Variants in OPHN1 observed in about 807,000 individuals in gnomAD.
The protein encoded by OPHN1 is oligophrenin 1.
In OPHN1, 11 loss-of-function variants were observed where a neutral mutation model predicts 60.7. That is an observed-to-expected ratio of 0.18 (90% confidence interval 0.11 to 0.30). The LOEUF (loss-of-function observed/expected upper bound fraction) is 0.30, where lower values mean the gene tolerates loss of function less well. Among genes scored for constraint, OPHN1 ranks in the 10% least tolerant of loss-of-function variants. The pLI is 1.00. For synonymous variants in OPHN1, 226 were observed against 222.6 expected (o/e 1.02, Z -0.14); for missense variants, 449 against 611.0 (o/e 0.73, Z 2.80).
chrX:68,338,983 C>T (rs1380013103), intron 2 of OPHN1, among the ~76,000 whole-genome samples: 2 of 106,190 alleles, frequency 1.9e-5, no homozygotes, highest in Admixed American at 1.0e-4. Context: ...GGAGCCAAGG[C>T]GGAAGGGTCA....
In OPHN1 at chrX:68,197,262, G is replaced by A. The variant is rs1450234218; in HGVS notation, c.1028C>T (p.Pro343Leu). The stretch of plus-strand genomic sequence containing the variant: ...AAGGGCCTGCAGAGTGATGGTTCCT[G>A]GCCTGAGGGGGAAAAAAATGGTAAG... ...FCFDIETNER[P>L]GTITLQALSE... Residue 343 changes from proline to leucine, a missense_variant and splice_region_variant, in exon 12 of 25, where the codon CCA becomes CTA. Transcript: ENST00000355520. 1 of 1,200,239 alleles carries A rather than the reference G, an allele frequency of 8.3e-7. No homozygotes were observed. Among genetic ancestry groups the A allele is most frequent in the Non-Finnish European group, 1.1e-6 (1 of 887,532 alleles).
chrX:68,259,830 C>A (rs934806918), intron 5 of OPHN1, among the ~76,000 whole-genome samples: 2 of 111,084 alleles, frequency 1.8e-5, no homozygotes, highest in African/African-American at 6.6e-5. Context: ...TAGGGAAATT[C>A]ACCTATGAGA....
At chrX:68,066,967 CA>C (rs1377324671) in intron 20 of OPHN1, among the ~76,000 whole-genome samples, 8 of 112,211 alleles carry the variant, frequency 7.1e-5, no homozygotes, top group Non-Finnish European at 1.3e-4. Flanking sequence ...GGGAGTGAAT[CA>C]GGATGAGACA....
intron 6 of OPHN1, among the ~76,000 whole-genome samples, chrX:68,223,943 A>T (rs956453470): frequency 1.8e-5 from 2 of 111,613 alleles, no homozygotes. Context: ...ACAACACAGC[A>T]TCAAAATACA....
At chrX:68,223,031 A>T (rs1157660575) in intron 6 of OPHN1, among the ~76,000 whole-genome samples, 2 of 112,256 alleles carry the variant, frequency 1.8e-5, no homozygotes, top group African/African-American at 6.5e-5. Flanking sequence ...ATTATTAAAA[A>T]GTCAAAAAAC....
At chrX:68,358,695 T>C (rs975998167) in intron 2 of OPHN1, among the ~76,000 whole-genome samples, 1 of 112,286 alleles carries the variant, frequency 8.9e-6, no homozygotes, top group African/African-American at 3.2e-5. Flanking sequence ...AGTTTTGTGT[T>C]AGGCACTTTT....
At chrX:68,163,625 T>C (rs888426513) in intron 15 of OPHN1, among the ~76,000 whole-genome samples, 1 of 111,486 alleles carries the variant, frequency 9.0e-6, no homozygotes, top group Non-Finnish European at 1.9e-5. Context: ...CTGAGTCATA[T>C]GGTCATTCTA....
At chrX:68,404,589 A>C (rs1412994824) in intron 2 of OPHN1, among the ~76,000 whole-genome samples, 1 of 112,061 alleles carries the variant, frequency 8.9e-6, no homozygotes, top group Non-Finnish European at 1.9e-5. Flanking sequence ...CACAATAGCC[A>C]AGAGTTGGAA....
chrX:68,429,376 A>T (rs760968668), intron 2 of OPHN1, among the ~76,000 whole-genome samples: 5 of 110,807 alleles, frequency 4.5e-5, no homozygotes, highest in Admixed American at 3.9e-4. Context: ...CAGTGAGCTG[A>T]GATCATGCCA....
At chrX:68,106,647 C>G (rs1203378604) in intron 18 of OPHN1, among the ~76,000 whole-genome samples, 2 of 111,444 alleles carry the variant, frequency 1.8e-5, no homozygotes, top group African/African-American at 3.3e-5. Context: ...CAGATACTAA[C>G]CAAAAAGAAC....
chrX:68,056,079 G>A (rs185839176), intron 21 of OPHN1, among the ~76,000 whole-genome samples: 1 of 110,748 alleles, frequency 9.0e-6, no homozygotes, highest in African/African-American at 3.3e-5. Context: ...TTGTACACAT[G>A]TACTTCAGAA....
chrX:68,053,801 T>C lies in OPHN1; in HGVS notation c.2168A>G (p.Asp723Gly), dbSNP rs374431961. 1.5e-4 allele frequency: 179 copies of C among 1,207,185 alleles called. No individual in the cohort carries two copies. Among genetic ancestry groups the C allele is most frequent in the Middle Eastern group, 6.9e-4 (3 of 4,355 alleles). The change falls in exon 22 of 25, where the codon GAC (aspartate) becomes GGC (glycine). Residue 723 changes from aspartate to glycine, a missense_variant. By Grantham distance (94) the Asp-to-Gly change is moderately conservative. Coordinates refer to ENST00000355520, the MANE Select transcript of OPHN1 (RefSeq NM_002547.3). ...PLAHHKEGDADSFSKVRPPGE... is the reference protein window; with the variant it reads ...PLAHHKEGDAGSFSKVRPPGE... The stretch of plus-strand genomic sequence containing the variant: ...TGGAGGCCGCACTTTGCTGAAACTG[T>C]CAGCATCCCCTGGAAGAGAAAATGA...
intron 15 of OPHN1, among the ~76,000 whole-genome samples, chrX:68,153,210 CA>C (rs11292214): frequency 0.37 from 20,628 of 55,100 alleles, 3,837 homozygotes; most frequent in African/African-American, 0.68. Context: ...GACTCCATGT[CA>C]AAAAAAAAAA....
intron 15 of OPHN1, among the ~76,000 whole-genome samples, chrX:68,192,549 G>T (rs753315444): frequency 9.0e-5 from 10 of 110,967 alleles, no homozygotes; most frequent in Non-Finnish European, 1.9e-4. Flanking sequence ...CATGTAAGGA[G>T]AAAGTTTCAA....
intron 6 of OPHN1, among the ~76,000 whole-genome samples, chrX:68,229,410 T>C (rs940485891): frequency 1.8e-5 from 2 of 111,646 alleles, no homozygotes; most frequent in African/African-American, 6.5e-5. Flanking sequence ...TGGAAAAAAC[T>C]ACTTTAAAGT....
intron 2 of OPHN1, among the ~76,000 whole-genome samples, chrX:68,417,062 A>G (rs2078802603): frequency 1.0e-5 from 1 of 99,116 alleles, no homozygotes; most frequent in Admixed American, 1.2e-4. Context: ...AAATCGAGTT[A>G]CTATTCCTTT....
At chrX:68,156,106 T>C (rs2077308021) in intron 15 of OPHN1, among the ~76,000 whole-genome samples, 1 of 111,167 alleles carries the variant, frequency 9.0e-6, no homozygotes, top group South Asian at 3.8e-4. Flanking sequence ...GATATTCATA[T>C]ATAATTAGGG....
intron 2 of OPHN1, among the ~76,000 whole-genome samples, chrX:68,406,478 G>A (rs2078743990): frequency 9.1e-6 from 1 of 109,864 alleles, no homozygotes; most frequent in Non-Finnish European, 1.9e-5. Flanking sequence ...TGGGCATAGT[G>A]GCGGGCACCT....
intron 2 of OPHN1, among the ~76,000 whole-genome samples, chrX:68,420,475 T>G (rs1209328170): frequency 8.9e-6 from 1 of 112,024 alleles, no homozygotes; most frequent in African/African-American, 3.2e-5. Flanking sequence ...GTAAAGAGCT[T>G]TGCAAATGGC....
Sources: gnomAD v4.1 joint callset for allele counts (sites outside exome capture counted in the v4.1 genomes callset) on GRCh38, gnomAD v4.1.1 for gene constraint, MANE v1.5 for transcripts, NCBI Gene and HGNC (gene_info 2026-07-23, HGNC 2026-07-21) for gene names.